The following PDGFC variants were observed in gnomAD, a reference collection of about 807,000 sequenced individuals.
The protein encoded by PDGFC is platelet-derived growth factor C.
PDGFC carries 12 observed loss-of-function variants against 35.5 expected under a neutral mutation model. The observed-to-expected ratio is 0.34, with a 90% confidence interval of 0.22 to 0.55. The LOEUF is 0.55. Ranked by LOEUF, PDGFC falls within the 20% of genes least tolerant of loss-of-function variation. PDGFC has a pLI of 0.91. For synonymous variants in PDGFC, 159 were observed against 148.8 expected (o/e 1.07, Z -0.50); for missense variants, 322 against 412.4 (o/e 0.78, Z 1.90).
chr4:156,869,313 G>A (rs1484788883), intron 1 of PDGFC, among the ~76,000 whole-genome samples: 1 of 151,840 alleles, frequency 6.6e-6, no homozygotes, highest in Admixed American at 6.6e-5. Context: ...GCGGGTGCCT[G>A]TAGTCCCAGC....
intron 2 of PDGFC, among the ~76,000 whole-genome samples, chr4:156,847,469 G>C (rs1211601569): frequency 6.6e-6 from 1 of 151,698 alleles, no homozygotes; most frequent in Admixed American, 6.6e-5. Flanking sequence ...TGAGACACAA[G>C]GAAAGAGAAA....
At chr4:156,947,794 T>C (rs766696311) in intron 1 of PDGFC, among the ~76,000 whole-genome samples, 4 of 151,992 alleles carry the variant, frequency 2.6e-5, no homozygotes, top group Admixed American at 6.6e-5. Context: ...ATATTCTACA[T>C]TGACTATGAT....
chr4:156,811,573 T>G (rs867205182), intron 2 of PDGFC, among the ~76,000 whole-genome samples: 11 of 152,072 alleles, frequency 7.2e-5, no homozygotes, highest in African/African-American at 2.7e-4. Flanking sequence ...TTTCTCGTTT[T>G]GATAAACACA....
intron 2 of PDGFC, among the ~76,000 whole-genome samples, chr4:156,836,291 G>A (rs79976558): frequency 0.016 from 2,467 of 152,174 alleles, 55 homozygotes; most frequent in African/African-American, 0.055. Flanking sequence ...TCAGTGAATC[G>A]GTAGGCAACT....
intron 3 of PDGFC, among the ~76,000 whole-genome samples, chr4:156,778,035 C>T (rs1161805297): frequency 1.3e-5 from 2 of 151,874 alleles, no homozygotes; most frequent in Non-Finnish European, 2.9e-5. Flanking sequence ...ACCCAGGAGG[C>T]GGAGGTTGCA....
In PDGFC at chr4:156,971,286, G is replaced by A; in HGVS notation, c.-383C>T. 1 of 410,254 alleles carries A rather than the reference G, an allele frequency of 2.4e-6. No homozygotes were observed. Among genetic ancestry groups the A allele is most frequent in the Non-Finnish European group, 4.3e-6 (1 of 232,526 alleles). The allele number at this position is 410,254 out of a possible 1,614,324, so 25.4% of individuals were successfully genotyped here. On this transcript the variant is annotated 5_prime_UTR_variant, in exon 1 of 6. Coordinates refer to ENST00000502773, the MANE Select transcript of PDGFC (RefSeq NM_016205.3). ...GGAGCACCTGTCAGTTCGGGGGACA[G>A]GACAGAGGCGAAAACTCAAGGGTTG... is the stretch of plus-strand genomic sequence containing the variant.
At chr4:156,813,629 G>A (rs1388066506) in intron 2 of PDGFC, among the ~76,000 whole-genome samples, 3 of 152,036 alleles carry the variant, frequency 2.0e-5, no homozygotes, top group Non-Finnish European at 4.4e-5. Context: ...TGAACTGAGG[G>A]TGGGAAACAA....
chr4:156,855,805 AAAATTC>A (rs1729561112), intron 1 of PDGFC, among the ~76,000 whole-genome samples: 3 of 152,196 alleles, frequency 2.0e-5, no homozygotes, highest in Non-Finnish European at 4.4e-5. Context: ...CTCAACTAAC[AAAATTC>A]ACTTTTAACA....
chr4:156,817,664 T>C (rs1442215711), intron 2 of PDGFC, among the ~76,000 whole-genome samples: 4 of 152,128 alleles, frequency 2.6e-5, no homozygotes, highest in East Asian at 3.9e-4. Flanking sequence ...TGGAGTTTCA[T>C]AGGAGAGTTC....
rs527725173 is a variant in PDGFC, at chr4:156,779,810, A to C, written c.496-6917T>G. On this transcript the variant is annotated intron_variant, in intron 3 of 5. Transcript: ENST00000502773. ...TCTAACCAGATTTACAAACTAAAAC[A>C]CTGTTACTCTCAACACCTTCTCACC... Among the ~76,000 whole-genome samples, 61 of 152,278 alleles carry C rather than the reference A, an allele frequency of 4.0e-4. No homozygotes were observed. The South Asian group carries it at 0.012, about 29-fold the overall frequency.
At chr4:156,763,833 T>C (rs970402193) in intron 5 of PDGFC, among the ~76,000 whole-genome samples, 6 of 152,208 alleles carry the variant, frequency 3.9e-5, no homozygotes, top group Non-Finnish European at 7.3e-5. Context: ...GAGAAGAGGT[T>C]TGGCAATAAT....
intron 2 of PDGFC, among the ~76,000 whole-genome samples, chr4:156,822,356 CAAAAAAAAAAAAA>C (rs397878245): frequency 1.4e-5 from 1 of 70,298 alleles, no homozygotes; most frequent in Non-Finnish European, 3.2e-5. Flanking sequence ...GAAACTGTCT[CAAAAAAAAAAAAA>C]AAAAAAAAGT....
rs17035235 is a variant in PDGFC at position 156,779,743 on chromosome 4, A to G, written c.496-6850T>C. ...TTGATAGATGAAACAACTGCTACGGACTCACTTTTCCCGTCATCATGAAAC... is the reference window on the plus strand; with the variant it reads ...TTGATAGATGAAACAACTGCTACGGGCTCACTTTTCCCGTCATCATGAAAC... On this transcript the variant is annotated intron_variant, in intron 3 of 5. Coordinates refer to ENST00000502773, the MANE Select transcript of PDGFC (RefSeq NM_016205.3). 3.1e-3 allele frequency among the ~76,000 whole-genome samples: 476 copies of G among 152,264 alleles called. 5 individuals carry two copies. The highest frequency in any genetic ancestry group is 0.011 in the African/African-American group (454 of 41,546).
At chr4:156,839,769 G>A (rs1164908962) in intron 2 of PDGFC, among the ~76,000 whole-genome samples, 1 of 152,238 alleles carries the variant, frequency 6.6e-6, no homozygotes, top group Non-Finnish European at 1.5e-5. Flanking sequence ...CTTGTTGAAC[G>A]GCTTTGACCA....
chr4:156,924,967 A>G (rs1240848844), intron 1 of PDGFC, among the ~76,000 whole-genome samples: 1 of 149,778 alleles, frequency 6.7e-6, no homozygotes, highest in Non-Finnish European at 1.5e-5. Context: ...CACACAGTGA[A>G]AGAGTCAGGG....
chr4:156,890,148 T>C (rs1222038005), intron 1 of PDGFC, among the ~76,000 whole-genome samples: 1 of 151,872 alleles, frequency 6.6e-6, no homozygotes, highest in African/African-American at 2.4e-5. Context: ...GGTGACTGTA[T>C]CATATGGGAA....
intron 3 of PDGFC, chr4:156,778,175 T>C (rs1278863443): frequency 1.0e-5 from 4 of 384,228 alleles, no homozygotes; most frequent in African/African-American, 6.2e-5. Context: ...GTGAGCACTA[T>C]TAACAAAACA....
At chr4:156,883,933 G>A (rs1000913794) in intron 1 of PDGFC, among the ~76,000 whole-genome samples, 1 of 152,108 alleles carries the variant, frequency 6.6e-6, no homozygotes, top group Admixed American at 6.6e-5. Context: ...CAAGATAAAG[G>A]TCTCTGGTCA....
In PDGFC at chr4:156,888,455, T is replaced by C. The variant is rs889560019; in HGVS notation, c.119-38039A>G. ...AAGGAAACAAGACCTTTTCTGATTA[T>C]AAATTCAGACATAAAATTAAATTGG... On this transcript the variant is annotated intron_variant, in intron 1 of 5. Coordinates refer to ENST00000502773, the MANE Select transcript of PDGFC (RefSeq NM_016205.3). 2.6e-5 allele frequency among the ~76,000 whole-genome samples: 4 copies of C among 152,332 alleles called. No individual in the cohort carries two copies. In the East Asian group the frequency reaches 7.7e-4, roughly 29 times the overall value.
Sources: gnomAD v4.1 joint callset for allele counts (sites outside exome capture counted in the v4.1 genomes callset) on GRCh38, gnomAD v4.1.1 for gene constraint, MANE v1.5 for transcripts, NCBI Gene and HGNC (gene_info 2026-07-23, HGNC 2026-07-21) for gene names.